Variants in LAMC3 observed in about 807,000 individuals in gnomAD.
LAMC3 encodes laminin subunit gamma 3.
LAMC3 carries 128 observed loss-of-function variants against 173.8 expected under a neutral mutation model. The observed-to-expected ratio is 0.74, with a 90% CI of 0.64 to 0.85. The LOEUF is 0.85. Among genes scored for constraint, LAMC3 ranks in the 40% least tolerant of loss-of-function variants. LAMC3 has a pLI of 0.00. For synonymous variants in LAMC3, 897 were observed against 909.1 expected, an observed-to-expected ratio of 0.99 and a Z score of 0.24; for missense variants, 2,022 against 2,156.0, an observed-to-expected ratio of 0.94 and a Z score of 1.23.
chr9:131,058,969 A>C (rs1173318017), intron 12 of LAMC3, among the ~76,000 whole-genome samples: 1 of 147,340 alleles, frequency 6.8e-6, no homozygotes, highest in African/African-American at 2.5e-5. Flanking sequence ...AGGCCAAGGC[A>C]GGTGGATCAC....
At chr9:131,079,085 A>G (rs769403046) in intron 22 of LAMC3, 64 bp from the exon 23 acceptor site, 35 of 1,573,394 alleles carry the variant, frequency 2.2e-5, no homozygotes, top group African/African-American at 5.4e-5. Flanking sequence ...ACCTCCCCCA[A>G]GGAGAGGATC....
In LAMC3 at chr9:131,091,577, C is replaced by G; in HGVS notation, c.4518C>G (p.Asn1506Lys). The change falls in exon 28 of 28, where the codon AAC becomes AAG. Residue 1506 changes from asparagine to lysine, a missense_variant. Coordinates refer to ENST00000361069, the MANE Select transcript of LAMC3 (RefSeq NM_006059.4). ...ATCAAGCCCCAGCCCAGGCCCTGAA[C>G]GAGACTCAGTGGGCACTAGAACGCC... Reference protein sequence around the residue: ...DTHQAPAQALNETQWALERLR... With the variant: ...DTHQAPAQALKETQWALERLR... 6.3e-7 allele frequency: 1 copy of G among 1,589,836 alleles called. No individual in the cohort carries two copies. Among genetic ancestry groups the G allele is most frequent in the Non-Finnish European group, 8.6e-7 (1 of 1,168,334 alleles).
At chr9:131,081,694 C>A (rs1452437081) in intron 23 of LAMC3, among the ~76,000 whole-genome samples, 2 of 152,134 alleles carry the variant, frequency 1.3e-5, no homozygotes, top group African/African-American at 4.8e-5. Context: ...AGGCTGGTCT[C>A]GAACTCCTGA....
In LAMC3 at chr9:131,057,117, A is replaced by G. The variant is rs138482262; in HGVS notation, c.2128A>G (p.Asn710Asp). The G allele has an allele frequency of 1.2e-6, 2 of 1,614,136 alleles. No homozygotes were observed. The highest frequency in any genetic ancestry group is 1.7e-5 in the Admixed American group (1 of 60,030). Residue 710 changes from asparagine (N) to aspartate (D), a missense_variant, in exon 12 of 28, where the codon AAC becomes GAC. Coordinates refer to ENST00000361069, the MANE Select transcript of LAMC3 (RefSeq NM_006059.4). ...TGCCAGCTGTGTCCCCTGCACCTGT[A>G]ACCAGCATGGCACCTGTGACCCCAA... ...PYASCVPCTCNQHGTCDPNTG... is the reference protein window; with the variant it reads ...PYASCVPCTCDQHGTCDPNTG...
intron 1 of LAMC3, among the ~76,000 whole-genome samples, chr9:131,014,989 A>C (rs1363712730): frequency 6.6e-6 from 1 of 152,082 alleles, no homozygotes; most frequent in Admixed American, 6.5e-5. Context: ...AAAAAGAAAA[A>C]TGTAGTTGAA....
At chr9:131,067,307 C>T (rs1281375026) in intron 14 of LAMC3, 102 bp downstream of exon 14, 7 of 1,472,962 alleles carry the variant, frequency 4.8e-6, no homozygotes, top group Middle Eastern at 4.7e-4. Flanking sequence ...CCACCAGAAC[C>T]AGCTGGCTCC....
At chr9:131,045,410 T>G in intron 7 of LAMC3, 114 bp from the exon 8 acceptor site, 1 of 1,262,874 alleles carries the variant, frequency 7.9e-7, no homozygotes, top group Non-Finnish European at 1.1e-6. Context: ...AAAAATTGTT[T>G]TTAAGTTTCT....
At chr9:131,032,542 C>T (rs944470804) in intron 3 of LAMC3, among the ~76,000 whole-genome samples, 3 of 126,754 alleles carry the variant, frequency 2.4e-5, no homozygotes, top group African/African-American at 9.7e-5. Context: ...CTGTCTCTCT[C>T]TCTTGCTCTC....
At chr9:131,076,478 T>C (rs1054619106) in intron 21 of LAMC3, among the ~76,000 whole-genome samples, 8 of 152,178 alleles carry the variant, frequency 5.3e-5, no homozygotes, top group Admixed American at 1.3e-4. Flanking sequence ...GAGAATGGGA[T>C]TGGCTCCGCT....
At chr9:131,080,185 A>C (rs1830212889) in intron 23 of LAMC3, among the ~76,000 whole-genome samples, 1 of 151,428 alleles carries the variant, frequency 6.6e-6, no homozygotes, top group Non-Finnish European at 1.5e-5. Flanking sequence ...TGTGTTGGCC[A>C]GGCTGGTCTC....
rs2275140 is a variant in LAMC3 at position 131,072,662 on chromosome 9, A to G, written c.3244A>G (p.Ser1082Gly). Residue 1082 changes from serine to glycine, a missense_variant, in exon 19 of 28, where the codon AGC (serine) becomes GGC (glycine). Ser to Gly is a moderately conservative substitution (Grantham distance 56, BLOSUM62 0). Transcript: ENST00000361069. ...AREAFLEQMM[S>G]LEGAVKAARE... ...GGAAGCCTTCCTGGAGCAGATGATG[A>G]GCCTCGAGGGTGCTGTCAAGGCCGC... 1,307,868 of 1,610,304 alleles carry G rather than the reference A, an allele frequency of 0.81. 535,209 individuals carry two copies. The highest frequency in any genetic ancestry group is 0.84 in the Middle Eastern group (3,823 of 4,542).
rs35509603 is a variant in LAMC3, at chr9:131,075,562, CA to C, written c.3495-252del. Among the ~76,000 whole-genome samples the C allele has an allele frequency of 0.031, 3,222 of 102,516 alleles. 38 individuals carry two copies. Among genetic ancestry groups the C allele is most frequent in the Middle Eastern group, 0.097 (19 of 196 alleles). The allele number at this position is 102,516 out of a possible 152,430, so 67.3% of individuals were successfully genotyped here. On this transcript the variant is annotated intron_variant, in intron 20 of 27. Coordinates refer to ENST00000361069, the MANE Select transcript of LAMC3 (RefSeq NM_006059.4). ...TGGGCAATAGAGTGAGACTCTGTCTCAAAAAAAAAAAAAAAAAGTCCTATTA... is the reference window on the plus strand; with the variant it reads ...TGGGCAATAGAGTGAGACTCTGTCTCAAAAAAAAAAAAAAAAGTCCTATTA...
chr9:131,072,064 CAGG>C (rs953822676), intron 18 of LAMC3, among the ~76,000 whole-genome samples: 25 of 140,872 alleles, frequency 1.8e-4, no homozygotes, highest in African/African-American at 6.4e-4. Context: ...GGAGCCAAGA[CAGG>C]AGGATTGCCT....
rs181692248 is a variant in LAMC3, at chr9:131,064,435, G to A, written c.2348-2525G>A. 4.8e-3 allele frequency among the ~76,000 whole-genome samples: 697 copies of A among 146,228 alleles called. 2 individuals are homozygous for A. The highest frequency in any genetic ancestry group is 7.4e-3 in the Non-Finnish European group (487 of 66,062). On this transcript the variant is annotated intron_variant, in intron 13 of 27. Transcript: ENST00000361069. The stretch of plus-strand genomic sequence containing the variant: ...TCCCAGCACTTTGGGAGGCTGAGGC[G>A]GGCAGATCACAAGGTCAGGAGATCG...
chr9:131,050,777 GA>G (rs35256167), intron 9 of LAMC3, among the ~76,000 whole-genome samples: 114,504 of 148,138 alleles, frequency 0.77, 44,099 homozygotes, highest in African/African-American at 0.81. Flanking sequence ...CCAAAAAAAG[GA>G]AAAAAAAAAA....
chr9:131,067,992 C>T, intron 14 of LAMC3, 86 bp from the exon 15 acceptor site: 1 of 1,405,148 alleles, frequency 7.1e-7, no homozygotes, highest in Non-Finnish European at 1.0e-6. Flanking sequence ...GGAGGCTCCC[C>T]CATCTCCTCT....
chr9:131,054,568 A>C (rs1039430087), intron 11 of LAMC3, among the ~76,000 whole-genome samples: 2 of 152,096 alleles, frequency 1.3e-5, no homozygotes, highest in African/African-American at 2.4e-5. Flanking sequence ...AGCCTGGGCA[A>C]TATGGTGAAA....
intron 12 of LAMC3, among the ~76,000 whole-genome samples, chr9:131,060,333 G>T (rs1279338327): frequency 1.3e-5 from 2 of 152,122 alleles, no homozygotes; most frequent in African/African-American, 2.4e-5. Flanking sequence ...TCAGAGAGAG[G>T]TTTCGGAATA....
intron 25 of LAMC3, chr9:131,086,011 GT>G (rs1830325406): frequency 2.0e-6 from 1 of 503,342 alleles, no homozygotes; most frequent in African/African-American, 1.9e-5. Context: ...AAACTTCTAG[GT>G]TTTTCTTTTC....
Sources: allele counts gnomAD v4.1 joint callset (sites outside exome capture counted in the v4.1 genomes callset), GRCh38; gene constraint gnomAD v4.1.1; transcripts MANE v1.5; gene names NCBI Gene and HGNC (gene_info 2026-07-23, HGNC 2026-07-21).